ACSL1: variants seen among roughly 807,000 people sequenced by gnomAD.
The protein encoded by ACSL1 is long-chain-fatty-acid--CoA ligase 1.
ACSL1 carries 41 observed loss-of-function variants against 98.4 expected under a neutral mutation model. The observed-to-expected ratio is 0.42, with a 90% CI of 0.32 to 0.54. ACSL1 has a LOEUF of 0.54. Among genes scored for constraint, ACSL1 ranks in the 20% least tolerant of loss-of-function variants. The pLI is 0.13. For synonymous variants in ACSL1, 316 were observed against 322.7 expected (o/e 0.98, Z 0.22); for missense variants, 734 against 883.1 (o/e 0.83, Z 2.14).
intron 1 of ACSL1, among the ~76,000 whole-genome samples, chr4:184,820,026 C>A (rs995126398): frequency 1.6e-4 from 25 of 151,848 alleles, no homozygotes; most frequent in Non-Finnish European, 3.2e-4. Context: ...GACGTCCAGC[C>A]ATTCTTTGAA....
intron 2 of ACSL1, among the ~76,000 whole-genome samples, chr4:184,799,753 G>GT (rs1770141361): frequency 6.6e-6 from 1 of 152,114 alleles, no homozygotes; most frequent in Admixed American, 6.6e-5. Context: ...GGAGTTAGAG[G>GT]TGAGAGAACA....
chr4:184,769,106 A>C (rs541614057), intron 11 of ACSL1, among the ~76,000 whole-genome samples: 1 of 146,454 alleles, frequency 6.8e-6, no homozygotes, highest in Admixed American at 6.8e-5. Flanking sequence ...GCCTTCCAGA[A>C]ACTTTACATT....
chr4:184,791,188 T>C (rs933308438), intron 2 of ACSL1, among the ~76,000 whole-genome samples: 6 of 152,180 alleles, frequency 3.9e-5, no homozygotes, highest in African/African-American at 1.2e-4. Context: ...TGCTCTCTCT[T>C]CAAAAGCAAC....
chr4:184,762,563 G>A, intron 16 of ACSL1, 40 bp from the exon 17 acceptor site: 1 of 1,565,638 alleles, frequency 6.4e-7, no homozygotes, highest in Non-Finnish European at 8.8e-7. Context: ...CATTTACTGG[G>A]GTTTTTCCAG....
chr4:184,813,954 G>T, intron 1 of ACSL1: 1 of 442,870 alleles, frequency 2.3e-6, no homozygotes, highest in Non-Finnish European at 4.6e-6. Context: ...CCAAAGTCAG[G>T]ATCTTCCCAT....
At chr4:184,819,460 A>G (rs575407473) in intron 1 of ACSL1, among the ~76,000 whole-genome samples, 1 of 152,162 alleles carries the variant, frequency 6.6e-6, no homozygotes, top group Non-Finnish European at 1.5e-5. Context: ...ACTCAACACA[A>G]ACTTTATCCC....
At chr4:184,782,020 C>G (rs149135297) in intron 4 of ACSL1, among the ~76,000 whole-genome samples, 1 of 152,280 alleles carries the variant, frequency 6.6e-6, no homozygotes, top group African/African-American at 2.4e-5. Flanking sequence ...TGGAACCCTA[C>G]TGGTTCTGGG....
intron 2 of ACSL1, among the ~76,000 whole-genome samples, chr4:184,791,433 G>C (rs2150389962): frequency 6.6e-6 from 1 of 152,334 alleles, no homozygotes; most frequent in African/African-American, 2.4e-5. Context: ...GCTTCTCAAA[G>C]TGTGCTCTGC....
intron 1 of ACSL1, among the ~76,000 whole-genome samples, chr4:184,811,210 G>A (rs913150889): frequency 3.5e-4 from 54 of 152,136 alleles, no homozygotes; most frequent in Admixed American, 4.6e-4. Flanking sequence ...CTGGGTTCAC[G>A]CCATTCTCCC....
chr4:184,793,840 C>T (rs1259970217), intron 2 of ACSL1, among the ~76,000 whole-genome samples: 5 of 152,184 alleles, frequency 3.3e-5, no homozygotes, highest in Admixed American at 3.3e-4. Context: ...CTTCTAATAC[C>T]TAACATGTGG....
chr4:184,767,582 G>C (rs920291125), intron 12 of ACSL1, among the ~76,000 whole-genome samples: 1 of 152,154 alleles, frequency 6.6e-6, no homozygotes, highest in Non-Finnish European at 1.5e-5. Context: ...GTGATGGCTG[G>C]AGAACTGTGA....
intron 2 of ACSL1, among the ~76,000 whole-genome samples, chr4:184,789,149 C>T (rs1767918893): frequency 6.6e-6 from 1 of 152,236 alleles, no homozygotes; most frequent in Non-Finnish European, 1.5e-5. Context: ...GCAAGATGTG[C>T]TGATGTAAAC....
intron 4 of ACSL1, among the ~76,000 whole-genome samples, chr4:184,781,854 G>GC: frequency 6.6e-6 from 1 of 152,314 alleles, no homozygotes; most frequent in Admixed American, 6.5e-5. Context: ...CAGGTGATCT[G>GC]CCCCCGTCGG....
At chr4:184,780,946 G>A (rs982222051) in intron 4 of ACSL1, among the ~76,000 whole-genome samples, 2 of 152,046 alleles carry the variant, frequency 1.3e-5, no homozygotes, top group Non-Finnish European at 2.9e-5. Context: ...GTTTTTAAAA[G>A]CCTACATACA....
At chr4:184,794,978 C>T (rs1400233954) in intron 2 of ACSL1, among the ~76,000 whole-genome samples, 1 of 152,000 alleles carries the variant, frequency 6.6e-6, no homozygotes, top group South Asian at 2.1e-4. Flanking sequence ...CACGGTACTT[C>T]GCAAAACATC....
Position 184,803,628 on chromosome 4 carries a change from T to C in ACSL1, c.-32-82A>G. The C allele has an allele frequency of 1.0e-6, 1 of 955,266 alleles. No individual in the cohort carries two copies. The highest frequency in any genetic ancestry group is 1.4e-6 in the Non-Finnish European group (1 of 703,838). The allele number at this position is 955,266 out of a possible 1,614,324, so 59.2% of individuals were successfully genotyped here. On this transcript the variant is annotated intron_variant, in intron 1 of 20. Transcript: ENST00000281455. The surrounding 1 kb of genome is among the most constrained non-coding windows in gnomAD (Gnocchi z 4.8). Reference sequence around the variant, plus strand: ...ACTCCAAAATTCCACCGGCCAGCCATCTAATTGGGTAGCTGCTCGGCCAGT... The same window carrying C: ...ACTCCAAAATTCCACCGGCCAGCCACCTAATTGGGTAGCTGCTCGGCCAGT...
intron 11 of ACSL1, among the ~76,000 whole-genome samples, chr4:184,768,873 G>A (rs1330476952): frequency 6.6e-6 from 1 of 152,060 alleles, no homozygotes; most frequent in African/African-American, 2.4e-5. Context: ...AGTTCCAGTC[G>A]AGCCTGGCCA....
In ACSL1 at chr4:184,765,924, C is replaced by G; in HGVS notation, c.1326G>C (p.Val442=). 6.2e-7 allele frequency: 1 copy of G among 1,614,050 alleles called. No individual in the cohort carries two copies. The highest frequency in any genetic ancestry group is 8.5e-7 in the Non-Finnish European group (1 of 1,179,984). Residue 442 remains valine (V), a synonymous_variant, in exon 14 of 21, where the codon GTG becomes GTC. Coordinates refer to ENST00000281455, the MANE Select transcript of ACSL1 (RefSeq NM_001995.5). ...VTGAAPVSAT[V]LTFLRAALGC... Reference sequence around the variant, plus strand: ...CCAGGGCTGCTCTGAGGAACGTCAGCACAGTGGCAGACACCGGGGCGGCTC... The same window carrying G: ...CCAGGGCTGCTCTGAGGAACGTCAGGACAGTGGCAGACACCGGGGCGGCTC...
At chr4:184,797,303 C>T (rs73012232) in intron 2 of ACSL1, among the ~76,000 whole-genome samples, 2,279 of 152,314 alleles carry the variant, frequency 0.015, 54 homozygotes, top group African/African-American at 0.052. Flanking sequence ...TATGAATCAA[C>T]GAGCTGCTCT....
Sources: gnomAD v4.1 joint callset for allele counts (sites outside exome capture counted in the v4.1 genomes callset) on GRCh38, gnomAD v4.1.1 for gene constraint, Gnocchi (gnomAD v3.1) non-coding constraint, MANE v1.5 for transcripts, NCBI Gene and HGNC (gene_info 2026-07-23, HGNC 2026-07-21) for gene names.